AXDND1: variants seen among roughly 807,000 people sequenced by gnomAD.
AXDND1 encodes axonemal dynein light chain domain containing 1, also known as axonemal dynein light chain domain-containing protein 1.
Under a neutral mutation model 137.5 loss-of-function variants are expected in AXDND1, and 110 were observed. That is an observed-to-expected ratio of 0.80 (90% confidence interval 0.69 to 0.94). AXDND1 has a LOEUF of 0.94. Among genes scored for constraint, AXDND1 ranks in the 40% least tolerant of loss-of-function variants. The pLI is 0.00. For synonymous variants in AXDND1, 414 were observed against 399.7 expected (o/e 1.04, Z -0.43); for missense variants, 1,191 against 1,169.8 (o/e 1.02, Z -0.26).
chr1:179,405,845 G>GTT (rs35978241), intron 11 of AXDND1, among the ~76,000 whole-genome samples: 2 of 151,288 alleles, frequency 1.3e-5, no homozygotes, highest in African/African-American at 4.9e-5. Flanking sequence ...ATATTTTGTA[G>GTT]TTTTTTAGTT....
intron 21 of AXDND1, among the ~76,000 whole-genome samples, chr1:179,522,265 C>T (rs959217627): frequency 3.9e-5 from 6 of 152,112 alleles, no homozygotes; most frequent in Admixed American, 3.9e-4. Flanking sequence ...ATTTCATCTG[C>T]CATTAAACCT....
chr1:179,368,974 T>A lies in AXDND1; in HGVS notation c.270+2T>A. ...CCTAAGAAAATTAAAACCCCAAAGG[T>A]TTGTATGTACATATGTAGAGTAATG... is the stretch of plus-strand genomic sequence containing the variant. On this transcript the variant is annotated splice_donor_variant, in intron 3 of 25. Coordinates refer to ENST00000367618, the MANE Select transcript of AXDND1 (RefSeq NM_144696.6). LOFTEE classifies it high-confidence loss of function. 6.2e-7 allele frequency: 1 copy of A among 1,606,114 alleles called. No homozygotes were observed. The highest frequency in any genetic ancestry group is 2.2e-5 in the East Asian group (1 of 44,822).
intron 21 of AXDND1, among the ~76,000 whole-genome samples, chr1:179,510,306 T>C (rs1172740597): frequency 6.6e-6 from 1 of 152,148 alleles, no homozygotes; most frequent in African/African-American, 2.4e-5. Context: ...TTCAGCCTCT[T>C]TGAAGGCGTT....
intron 20 of AXDND1, among the ~76,000 whole-genome samples, chr1:179,494,315 T>A (rs1315748808): frequency 3.3e-5 from 5 of 152,170 alleles, no homozygotes; most frequent in Admixed American, 3.3e-4. Context: ...TATTGTGGTT[T>A]TAATTTGCAT....
intron 5 of AXDND1, 106 bp from the exon 6 acceptor site, chr1:179,379,291 A>G: frequency 4.0e-6 from 5 of 1,260,646 alleles, no homozygotes; most frequent in African/African-American, 1.5e-5. Flanking sequence ...AAATTTTTCA[A>G]CTTAAAAAAT....
intron 25 of AXDND1, among the ~76,000 whole-genome samples, chr1:179,548,147 C>T (rs879282548): frequency 2.0e-5 from 3 of 152,194 alleles, no homozygotes; most frequent in Admixed American, 1.3e-4. Context: ...TCGGGGCTGC[C>T]TTTCACACAT....
At chr1:179,419,336 G>A (rs1655277951) in intron 12 of AXDND1, among the ~76,000 whole-genome samples, 1 of 151,996 alleles carries the variant, frequency 6.6e-6, no homozygotes, top group South Asian at 2.1e-4. Flanking sequence ...TGAGCACTGA[G>A]TGAACGAGAC....
At chr1:179,536,611 G>A (rs894667329) in intron 25 of AXDND1, among the ~76,000 whole-genome samples, 22 of 152,148 alleles carry the variant, frequency 1.4e-4, no homozygotes, top group Admixed American at 6.5e-4. Flanking sequence ...TTTGGTTACC[G>A]TAGCCTTGTA....
At chr1:179,463,863 C>G (rs576660240) in intron 16 of AXDND1, among the ~76,000 whole-genome samples, 50 of 151,764 alleles carry the variant, frequency 3.3e-4, no homozygotes, top group African/African-American at 1.1e-3. Flanking sequence ...GATCCCTTTA[C>G]CATTATGTAA....
intron 4 of AXDND1, among the ~76,000 whole-genome samples, chr1:179,371,456 T>C (rs1668028321): frequency 1.3e-5 from 2 of 151,842 alleles, no homozygotes; most frequent in Non-Finnish European, 1.5e-5. Flanking sequence ...AAATAAAGTT[T>C]TAATGTCAAA....
At chr1:179,380,061 A>G (rs1300813215) in intron 6 of AXDND1, among the ~76,000 whole-genome samples, 1 of 151,990 alleles carries the variant, frequency 6.6e-6, no homozygotes, top group Admixed American at 6.6e-5. Flanking sequence ...CATCCTGGCT[A>G]ACACGGTGAA....
At chr1:179,468,161 G>A (rs1433466028) in intron 16 of AXDND1, among the ~76,000 whole-genome samples, 2 of 152,110 alleles carry the variant, frequency 1.3e-5, no homozygotes, top group African/African-American at 4.8e-5. Context: ...TAGTTTCTGG[G>A]TTTAATGCAT....
At chr1:179,465,777 G>A (rs1035308630) in intron 16 of AXDND1, among the ~76,000 whole-genome samples, 1 of 152,302 alleles carries the variant, frequency 6.6e-6, no homozygotes, top group Middle Eastern at 3.4e-3. Flanking sequence ...CACCCAATTC[G>A]ACCTTCCTGG....
At chr1:179,533,698 G>T (rs1210394253) in intron 23 of AXDND1, 97 bp from the exon 24 acceptor site, 3 of 824,174 alleles carry the variant, frequency 3.6e-6, no homozygotes, top group Non-Finnish European at 5.8e-6. Context: ...AGTAGACAAA[G>T]AATATTCTAG....
intron 25 of AXDND1, among the ~76,000 whole-genome samples, chr1:179,540,591 G>A (rs953852164): frequency 6.6e-6 from 1 of 152,210 alleles, no homozygotes. Context: ...GCACCTGCCA[G>A]ATGCCAGCCA....
rs78641201 is a variant in AXDND1 at position 179,394,541 on chromosome 1, G to A, written c.1004+498G>A. Among the ~76,000 whole-genome samples the A allele has an allele frequency of 2.1e-3, 278 of 134,118 alleles. 9 individuals carry two copies. In the East Asian group the frequency reaches 0.053, roughly 26 times the overall value. 88.0% of individuals were successfully genotyped at this position (134,118 alleles called of 152,430 possible). ...GGAGGTGGAGGTTGCAGTGAGCCAA[G>A]ATCATGCCACTGCACTCTAGCCTGG... On this transcript the variant is annotated intron_variant, in intron 10 of 25. Coordinates refer to ENST00000367618, the MANE Select transcript of AXDND1 (RefSeq NM_144696.6).
At chr1:179,406,214 A>G (rs1652938708) in intron 11 of AXDND1, among the ~76,000 whole-genome samples, 1 of 152,178 alleles carries the variant, frequency 6.6e-6, no homozygotes, top group Non-Finnish European at 1.5e-5. Flanking sequence ...TTGTGGTCCA[A>G]GAAGATACTT....
chr1:179,422,088 C>T (rs1655838563), intron 12 of AXDND1, among the ~76,000 whole-genome samples: 1 of 150,570 alleles, frequency 6.6e-6, no homozygotes, highest in African/African-American at 2.4e-5. Flanking sequence ...TCATTGATTC[C>T]TTGTATTTAT....
chr1:179,526,909 G>C (rs536732873), intron 22 of AXDND1, among the ~76,000 whole-genome samples: 1 of 152,222 alleles, frequency 6.6e-6, no homozygotes, highest in Non-Finnish European at 1.5e-5. Flanking sequence ...ACGAGTTAAT[G>C]GAAAAAGGCA....
Sources: gnomAD v4.1 joint callset for allele counts (sites outside exome capture counted in the v4.1 genomes callset) on GRCh38, gnomAD v4.1.1 for gene constraint, MANE v1.5 for transcripts, NCBI Gene and HGNC (gene_info 2026-07-23, HGNC 2026-07-21) for gene names.